The following TMEM132D variants were observed in gnomAD, a reference collection of about 807,000 sequenced individuals.
TMEM132D encodes mature OL transmembrane protein.
Under a neutral mutation model 62.3 loss-of-function variants are expected in TMEM132D, and 21 were observed. The ratio of observed to expected loss-of-function variants is 0.34; its 90% CI spans 0.24 to 0.49. The LOEUF (loss-of-function observed/expected upper bound fraction) is 0.49, where lower values mean the gene tolerates loss of function less well. Among genes scored for constraint, TMEM132D ranks in the 20% least tolerant of loss-of-function variants. The pLI is 0.99. For synonymous variants in TMEM132D, 621 were observed against 575.6 expected, an observed-to-expected ratio of 1.08 and a Z score of -1.13; for missense variants, 1,346 against 1,402.8, an observed-to-expected ratio of 0.96 and a Z score of 0.65.
chr12:129,237,660 A>C (rs977323209), intron 4 of TMEM132D, among the ~76,000 whole-genome samples: 5 of 152,136 alleles, frequency 3.3e-5, no homozygotes, highest in African/African-American at 1.2e-4. Context: ...GATATTGTTT[A>C]ACTGATGTTT....
intron 5 of TMEM132D, among the ~76,000 whole-genome samples, chr12:129,201,834 T>C (rs560567928): frequency 9.9e-5 from 15 of 152,218 alleles, no homozygotes; most frequent in African/African-American, 3.6e-4. Flanking sequence ...GTGATATATT[T>C]TGGAGTTCTA....
At chr12:129,552,301 C>A (rs1876920335) in intron 2 of TMEM132D, among the ~76,000 whole-genome samples, 1 of 152,106 alleles carries the variant, frequency 6.6e-6, no homozygotes, top group Non-Finnish European at 1.5e-5. Context: ...TGTCTATTAT[C>A]TATCATCAAT....
chr12:129,646,626 T>A (rs1172956213), intron 2 of TMEM132D, among the ~76,000 whole-genome samples: 1 of 152,146 alleles, frequency 6.6e-6, no homozygotes, highest in Non-Finnish European at 1.5e-5. Flanking sequence ...GAACTCTCTA[T>A]TTCCCCCAAG....
intron 4 of TMEM132D, among the ~76,000 whole-genome samples, chr12:129,304,290 T>A (rs1881790386): frequency 6.6e-6 from 1 of 151,886 alleles, no homozygotes; most frequent in East Asian, 1.9e-4. Context: ...CGATCCCATA[T>A]CCTCCGATAC....
chr12:129,660,356 C>A (rs965633488), intron 2 of TMEM132D, among the ~76,000 whole-genome samples: 8 of 152,062 alleles, frequency 5.3e-5, no homozygotes, highest in Non-Finnish European at 8.8e-5. Context: ...AGCGTTCTTA[C>A]CATCACCCCT....
At chr12:129,387,839 G>A (rs369895622) in intron 3 of TMEM132D, among the ~76,000 whole-genome samples, 8,335 of 78,006 alleles carry the variant, frequency 0.11, 360 homozygotes, top group African/African-American at 0.21. Flanking sequence ...CACTAACACC[G>A]ACATCAATAC....
At chr12:129,246,242 G>A (rs1368466895) in intron 4 of TMEM132D, among the ~76,000 whole-genome samples, 1 of 152,170 alleles carries the variant, frequency 6.6e-6, no homozygotes, top group Non-Finnish European at 1.5e-5. Context: ...GTATATAGAA[G>A]ATAAAAATTA....
chr12:129,564,898 T>TG (rs1464563020), intron 2 of TMEM132D, among the ~76,000 whole-genome samples: 1 of 152,140 alleles, frequency 6.6e-6, no homozygotes, highest in Non-Finnish European at 1.5e-5. Context: ...GGTGTACTGT[T>TG]GGAGTAGGCA....
Position 129,073,905 on chromosome 12 carries a change from G to T in TMEM132D, c.3270C>A (p.Asn1090Lys). The T allele has an allele frequency of 6.4e-7, 1 of 1,560,276 alleles. No homozygotes were observed. Among genetic ancestry groups the T allele is most frequent in the Non-Finnish European group, 8.7e-7 (1 of 1,155,270 alleles). Residue 1090 changes from asparagine (N) to lysine (K), a missense_variant, in exon 9 of 9, where the codon AAC becomes AAA. Coordinates refer to ENST00000422113, the MANE Select transcript of TMEM132D (RefSeq NM_133448.3). The part of the protein sequence containing the change: ...LDPGDCKELH[N>K]YMERLHENV ...CATTTTCATGTAACCTCTCCATGTA[G>T]TTGTGCAGCTCTTTGCAGTCCCCAG...
At chr12:129,572,132 G>A (rs1434440748) in intron 2 of TMEM132D, among the ~76,000 whole-genome samples, 3 of 152,204 alleles carry the variant, frequency 2.0e-5, no homozygotes, top group Admixed American at 6.5e-5. Context: ...GCCCCTTCCC[G>A]ACAGCGCACA....
At chr12:129,145,424 A>C (rs1876867113) in intron 5 of TMEM132D, among the ~76,000 whole-genome samples, 1 of 152,126 alleles carries the variant, frequency 6.6e-6, no homozygotes, top group Non-Finnish European at 1.5e-5. Context: ...TTCTGTGAGC[A>C]TGGGCAGGTG....
intron 2 of TMEM132D, among the ~76,000 whole-genome samples, chr12:129,612,237 G>C (rs1288734879): frequency 6.6e-6 from 1 of 152,128 alleles, no homozygotes; most frequent in African/African-American, 2.4e-5. Flanking sequence ...ATCTTACTAA[G>C]GGGAGGAATT....
chr12:129,519,610 C>CTTT (rs35695419), intron 3 of TMEM132D, among the ~76,000 whole-genome samples: 7 of 146,994 alleles, frequency 4.8e-5, no homozygotes, highest in African/African-American at 5.0e-5. Context: ...GATAAGAATG[C>CTTT]TTTTTTTTTT....
chr12:129,072,811 T>C lies in TMEM132D; in HGVS notation c.*1064A>G, dbSNP rs1050156478. The C allele has an allele frequency of 2.0e-5, 3 of 152,218 alleles. No homozygotes were observed. The highest frequency in any genetic ancestry group is 4.4e-5 in the Non-Finnish European group (3 of 68,060). 9.4% of individuals were successfully genotyped at this position (152,218 alleles called of 1,614,324 possible). ...ATCCCAAGTGGCCCTGTTTTCTTTC[T>C]AGTAAAGCAAGGGAATGTATATCCC... is the stretch of plus-strand genomic sequence containing the variant. On this transcript the variant is annotated 3_prime_UTR_variant, in exon 9 of 9. Coordinates refer to ENST00000422113, the MANE Select transcript of TMEM132D (RefSeq NM_133448.3).
intron 2 of TMEM132D, among the ~76,000 whole-genome samples, chr12:129,562,597 C>T (rs916897688): frequency 3.3e-5 from 5 of 152,126 alleles, no homozygotes; most frequent in Non-Finnish European, 7.4e-5. Context: ...GCTCTTTCTC[C>T]TTGGATCATA....
chr12:129,331,372 G>A (rs1869099689), intron 4 of TMEM132D, among the ~76,000 whole-genome samples: 1 of 152,182 alleles, frequency 6.6e-6, no homozygotes, highest in Non-Finnish European at 1.5e-5. Flanking sequence ...GTCCCTGTAG[G>A]GCTGGAGTTC....
chr12:129,225,733 G>A (rs777390899), intron 4 of TMEM132D, among the ~76,000 whole-genome samples: 28 of 152,132 alleles, frequency 1.8e-4, no homozygotes, highest in African/African-American at 3.4e-4. Flanking sequence ...ATTCAATTAC[G>A]TTCCTGGCAA....
chr12:129,386,259 G>A (rs1871102815), intron 3 of TMEM132D, among the ~76,000 whole-genome samples: 1 of 152,122 alleles, frequency 6.6e-6, no homozygotes, highest in Admixed American at 6.6e-5. Flanking sequence ...CTCAACCCTA[G>A]GAGGGTACTA....
chr12:129,103,547 G>A (rs1262303640), intron 5 of TMEM132D, among the ~76,000 whole-genome samples: 2 of 152,180 alleles, frequency 1.3e-5, no homozygotes, highest in Non-Finnish European at 2.9e-5. Context: ...TCCTTCAGCA[G>A]CCGGGATGAT....
Sources: allele counts gnomAD v4.1 joint callset (sites outside exome capture counted in the v4.1 genomes callset), GRCh38; gene constraint gnomAD v4.1.1; transcripts MANE v1.5; gene names NCBI Gene and HGNC (gene_info 2026-07-23, HGNC 2026-07-21).